SEC14L1: variants seen among roughly 807,000 people sequenced by gnomAD.
SEC14L1 encodes SEC14-like protein 1.
Under a neutral mutation model 85.3 loss-of-function variants are expected in SEC14L1, and 48 were observed. The ratio of observed to expected loss-of-function variants is 0.56; its 90% confidence interval spans 0.45 to 0.72. SEC14L1 has a LOEUF of 0.72. Ranked by LOEUF, SEC14L1 falls within the 30% of genes least tolerant of loss-of-function variation. The pLI is 0.00. For synonymous variants in SEC14L1, 391 were observed against 355.5 expected, an observed-to-expected ratio of 1.10 and a Z score of -1.12; for missense variants, 682 against 921.4, an observed-to-expected ratio of 0.74 and a Z score of 3.36.
intron 3 of SEC14L1, among the ~76,000 whole-genome samples, chr17:77,178,722 G>T (rs774173413): frequency 1.1e-4 from 17 of 152,212 alleles, no homozygotes; most frequent in South Asian, 4.1e-4. Context: ...TCACAATAGG[G>T]CTCTCACTCC....
chr17:77,187,438 C>A (rs1242505340), intron 3 of SEC14L1, among the ~76,000 whole-genome samples: 1 of 151,896 alleles, frequency 6.6e-6, no homozygotes, highest in East Asian at 1.9e-4. Flanking sequence ...AGTGTGGTGG[C>A]ACCATTTTGG....
rs568827450 is a variant in SEC14L1, at chr17:77,199,423, T to C, written c.820-1061T>C. ...TAAGAGAATCCAGCAGCCTGACCTGTCGTCTGCCCGGAGAGACGGTGGAGA... is the reference window on the plus strand; with the variant it reads ...TAAGAGAATCCAGCAGCCTGACCTGCCGTCTGCCCGGAGAGACGGTGGAGA... On this transcript the variant is annotated intron_variant, in intron 8 of 16. Coordinates refer to ENST00000436233, the MANE Select transcript of SEC14L1 (RefSeq NM_001143998.2). 2.4e-4 allele frequency: 39 copies of C among 160,002 alleles called. 2 individuals carry two copies. The South Asian group carries it at 5.6e-3, about 23-fold the overall frequency. The allele number at this position is 160,002 out of a possible 1,614,324, so 9.9% of individuals were successfully genotyped here. A position where few individuals can be genotyped will look rare whatever the true frequency, so the allele number is the denominator to read the frequency against.
chr17:77,175,548 G>A (rs9910247), intron 3 of SEC14L1, among the ~76,000 whole-genome samples: 150,764 of 152,372 alleles, frequency 0.99, 74,610 homozygotes, highest in East Asian at 1. Context: ...AACCTTCACT[G>A]TGGTGCCCGG....
intron 3 of SEC14L1, among the ~76,000 whole-genome samples, chr17:77,188,538 G>A (rs562514784): frequency 4.6e-5 from 7 of 151,704 alleles, no homozygotes; most frequent in Non-Finnish European, 1.0e-4. Flanking sequence ...AGTCCATTTA[G>A]CCTCACTCAG....
chr17:77,088,758 C>A, exon 1 of SEC14L1: 1 of 148,468 alleles, frequency 6.7e-6, no homozygotes, highest in South Asian at 2.2e-4. Flanking sequence ...GACTCGCAGT[C>A]CGCAGGATGA....
Position 77,216,866 on chromosome 17 carries a change from A to G in SEC14L1, c.*2843A>G. 1 of 361,806 alleles carries G rather than the reference A, an allele frequency of 2.8e-6. No homozygotes were observed. Among genetic ancestry groups the G allele is most frequent in the Non-Finnish European group, 5.1e-6 (1 of 197,312 alleles). The allele number at this position is 361,806 out of a possible 1,614,324, so 22.4% of individuals were successfully genotyped here. A position where few individuals can be genotyped will look rare whatever the true frequency, so the allele number is the denominator to read the frequency against. On this transcript the variant is annotated 3_prime_UTR_variant, in exon 17 of 17. Transcript: ENST00000436233. ...CAGTTTGCATCGTGTTTCTACCTTT[A>G]GTACCTTGCCACTCTTTTAAAACGC...
chr17:77,164,033 G>C (rs1341340243), intron 3 of SEC14L1, among the ~76,000 whole-genome samples: 1 of 152,210 alleles, frequency 6.6e-6, no homozygotes, highest in African/African-American at 2.4e-5. Flanking sequence ...AACATTTAGA[G>C]AGTGCTTGTG....
At chr17:77,128,896 T>C (rs1440922836) in intron 3 of SEC14L1, among the ~76,000 whole-genome samples, 2 of 152,180 alleles carry the variant, frequency 1.3e-5, no homozygotes, top group African/African-American at 2.4e-5. Flanking sequence ...CTCATAATTA[T>C]AGACAATGGT....
At chr17:77,125,431 GT>G (rs566199942) in intron 3 of SEC14L1, among the ~76,000 whole-genome samples, 121 of 146,030 alleles carry the variant, frequency 8.3e-4, no homozygotes, top group East Asian at 1.6e-3. Context: ...GAAGTTGCAG[GT>G]TTTTTTTTTT....
At chr17:77,185,308 A>G in intron 3 of SEC14L1, 1 of 985,456 alleles carries the variant, frequency 1.0e-6, no homozygotes, top group African/African-American at 1.7e-5. Context: ...AGAGCTCTGG[A>G]GAGGTCAGTG....
chr17:77,137,168 C>G (rs900816438), upstream of SEC14L1, among the ~76,000 whole-genome samples: 1 of 152,202 alleles, frequency 6.6e-6, no homozygotes, highest in Admixed American at 6.5e-5. Context: ...CTTGGCCTCC[C>G]AAAGTGCTGG....
chr17:77,191,357 G>T, intron 5 of SEC14L1, 45 bp downstream of exon 5: 1 of 1,607,794 alleles, frequency 6.2e-7, no homozygotes. Context: ...CCGACATATG[G>T]CTTCTGAGGA....
At chr17:77,167,599 C>T (rs188923858) in intron 3 of SEC14L1, among the ~76,000 whole-genome samples, 20 of 152,296 alleles carry the variant, frequency 1.3e-4, no homozygotes, top group Admixed American at 1.3e-3. Context: ...ATACCTTCTC[C>T]TTCCACCTTA....
At position 77,214,377 on chromosome 17, in the gene SEC14L1, A is replaced by G; in HGVS notation, c.*354A>G. On this transcript the variant is annotated 3_prime_UTR_variant, in exon 17 of 17. Transcript: ENST00000436233. ...TCCAACGAACTCCGCATTGTCCATT[A>G]GTGAATGAATTCCTGTGACATCCTC... is the stretch of plus-strand genomic sequence containing the variant. The G allele has an allele frequency of 9.8e-7, 1 of 1,022,216 alleles. No individual in the cohort carries two copies. Among genetic ancestry groups the G allele is most frequent in the Admixed American group, 5.2e-5 (1 of 19,346 alleles). The allele number at this position is 1,022,216 out of a possible 1,614,324, so 63.3% of individuals were successfully genotyped here. A position where few individuals can be genotyped will look rare whatever the true frequency, so the allele number is the denominator to read the frequency against.
chr17:77,172,741 CCTTT>C (rs1974570562), intron 3 of SEC14L1, among the ~76,000 whole-genome samples: 1 of 152,180 alleles, frequency 6.6e-6, no homozygotes, highest in African/African-American at 2.4e-5. Context: ...GCTCCTTGAG[CCTTT>C]CTAAGAACTC....
intron 3 of SEC14L1, among the ~76,000 whole-genome samples, chr17:77,186,440 G>A (rs924531615): frequency 1.3e-5 from 2 of 152,222 alleles, no homozygotes; most frequent in African/African-American, 4.8e-5. Flanking sequence ...GCCTCTCCAC[G>A]CAGAGCGTGT....
chr17:77,097,026 G>T (rs901353267), intron 3 of SEC14L1, among the ~76,000 whole-genome samples: 2 of 152,192 alleles, frequency 1.3e-5, no homozygotes, highest in Non-Finnish European at 2.9e-5. Flanking sequence ...GGCACTGCAC[G>T]TGGAGATAAG....
chr17:77,196,969 C>CT (rs767759820), intron 8 of SEC14L1, among the ~76,000 whole-genome samples: 1 of 152,224 alleles, frequency 6.6e-6, no homozygotes, highest in Non-Finnish European at 1.5e-5. Flanking sequence ...CGGCAGCTCT[C>CT]TCTGCTGCTG....
At chr17:77,186,432 C>T (rs1252625374) in intron 3 of SEC14L1, among the ~76,000 whole-genome samples, 2 of 152,236 alleles carry the variant, frequency 1.3e-5, no homozygotes, top group East Asian at 3.8e-4. Context: ...CCCACGCTGC[C>T]TCTCCACGCA....
Sources: allele counts gnomAD v4.1 joint callset (sites outside exome capture counted in the v4.1 genomes callset), GRCh38; gene constraint gnomAD v4.1.1; transcripts MANE v1.5; gene names NCBI Gene and HGNC (gene_info 2026-07-23, HGNC 2026-07-21).